NKAIN3: variants seen among roughly 807,000 people sequenced by gnomAD.
NKAIN3 encodes the protein sodium/potassium-transporting ATPase subunit beta-1-interacting protein 3.
Under a neutral mutation model 30.2 loss-of-function variants are expected in NKAIN3, and 25 were observed. That is an observed-to-expected ratio of 0.83 (90% CI 0.60 to 1.16). The LOEUF (loss-of-function observed/expected upper bound fraction) is 1.16. Ranked by LOEUF, NKAIN3 falls within the 50% of genes most tolerant of loss-of-function variation. The pLI is 0.00. For synonymous variants in NKAIN3, 91 were observed against 89.6 expected, an observed-to-expected ratio of 1.02 and a Z score of -0.09; for missense variants, 225 against 254.1, an observed-to-expected ratio of 0.89 and a Z score of 0.78.
At chr8:62,738,541 G>A (rs1303129448) in intron 3 of NKAIN3, among the ~76,000 whole-genome samples, 1 of 150,004 alleles carries the variant, frequency 6.7e-6, no homozygotes, top group Non-Finnish European at 1.5e-5. Context: ...ATAGGTTGCA[G>A]TGAGCCCAGT....
intron 1 of NKAIN3, among the ~76,000 whole-genome samples, chr8:62,565,701 G>C (rs904690674): frequency 6.6e-6 from 1 of 152,126 alleles, no homozygotes; most frequent in African/African-American, 2.4e-5. Context: ...TACTTCACTT[G>C]TGTTGGGGTT....
chr8:62,327,957 C>G lies in NKAIN3; in HGVS notation c.54+78830C>G, dbSNP rs184490569. On this transcript the variant is annotated intron_variant, in intron 1 of 6. Transcript: ENST00000623646. The stretch of plus-strand genomic sequence containing the variant: ...TTATATCTTTTAAAATTATTTTTAG[C>G]AATGTTTTAGAGTTTTCATTGCAGA... 9.2e-3 allele frequency among the ~76,000 whole-genome samples: 1,402 copies of G among 151,996 alleles called. 14 individuals are homozygous for G. The highest frequency in any genetic ancestry group is 0.015 in the Non-Finnish European group (1,011 of 67,936).
intron 3 of NKAIN3, among the ~76,000 whole-genome samples, chr8:62,688,578 G>C (rs77454397): frequency 0.019 from 2,888 of 152,160 alleles, 86 homozygotes; most frequent in African/African-American, 0.064. Context: ...TTTATACCTT[G>C]GCGTAAGGAA....
intron 4 of NKAIN3, among the ~76,000 whole-genome samples, chr8:62,873,033 A>G (rs1820692389): frequency 6.6e-6 from 1 of 152,064 alleles, no homozygotes; most frequent in South Asian, 2.1e-4. Flanking sequence ...TAAATGTAAA[A>G]GACACAGACT....
chr8:62,754,362 G>GCAAA (rs1554574333), intron 4 of NKAIN3, among the ~76,000 whole-genome samples: 4 of 149,506 alleles, frequency 2.7e-5, no homozygotes, highest in Non-Finnish European at 4.5e-5. Flanking sequence ...GTTGATTAGT[G>GCAAA]CACACACACA....
chr8:62,922,436 G>T (rs921996278), intron 5 of NKAIN3, among the ~76,000 whole-genome samples: 1 of 152,204 alleles, frequency 6.6e-6, no homozygotes, highest in Non-Finnish European at 1.5e-5. Flanking sequence ...GTTAATTTAT[G>T]AATTTCCTTT....
At chr8:62,474,766 A>G (rs1806460814) in intron 1 of NKAIN3, among the ~76,000 whole-genome samples, 1 of 152,226 alleles carries the variant, frequency 6.6e-6, no homozygotes, top group Admixed American at 6.5e-5. Context: ...CAAAAATGCT[A>G]AAAAGAGTTT....
intron 1 of NKAIN3, among the ~76,000 whole-genome samples, chr8:62,302,393 G>A (rs926647157): frequency 6.6e-6 from 1 of 152,018 alleles, no homozygotes; most frequent in African/African-American, 2.4e-5. Flanking sequence ...ACTAGACATC[G>A]TTTCTAGCTC....
chr8:62,935,163 C>A (rs1196045315), intron 5 of NKAIN3, among the ~76,000 whole-genome samples: 1 of 152,072 alleles, frequency 6.6e-6, no homozygotes, highest in Non-Finnish European at 1.5e-5. Flanking sequence ...ATGAAGAAAT[C>A]CAACCAAACA....
intron 1 of NKAIN3, among the ~76,000 whole-genome samples, chr8:62,337,048 C>T (rs1029614474): frequency 6.6e-6 from 1 of 152,050 alleles, no homozygotes; most frequent in Non-Finnish European, 1.5e-5. Flanking sequence ...TCTCTCCCTC[C>T]CTCGGTAGTT....
intron 4 of NKAIN3, among the ~76,000 whole-genome samples, chr8:62,784,619 C>T (rs1391644712): frequency 6.6e-6 from 1 of 151,862 alleles, no homozygotes; most frequent in African/African-American, 2.4e-5. Flanking sequence ...AAATTAGTAA[C>T]TAAAAATCAC....
In NKAIN3 at chr8:62,976,730, G is replaced by A. The variant is rs1267754152; in HGVS notation, c.*11323G>A. On this transcript the variant is annotated 3_prime_UTR_variant, in exon 7 of 7. Transcript: ENST00000623646. Reference sequence around the variant, plus strand: ...GTGAATTTGATTCTGTCATTATGATGATAGCTGGTTATTTTGCCCATTAGT... The same window carrying A: ...GTGAATTTGATTCTGTCATTATGATAATAGCTGGTTATTTTGCCCATTAGT... Among the ~76,000 whole-genome samples the A allele has an allele frequency of 6.6e-6, 1 of 152,164 alleles. No individual in the cohort carries two copies. The highest frequency in any genetic ancestry group is 1.9e-4 in the East Asian group (1 of 5,194).
intron 3 of NKAIN3, among the ~76,000 whole-genome samples, chr8:62,602,836 A>G (rs1274808754): frequency 6.6e-6 from 1 of 152,088 alleles, no homozygotes; most frequent in East Asian, 1.9e-4. Context: ...CAATAAGTCA[A>G]TATTTATTTT....
At chr8:62,457,715 T>A (rs1805862127) in intron 1 of NKAIN3, among the ~76,000 whole-genome samples, 2 of 152,222 alleles carry the variant, frequency 1.3e-5, no homozygotes, top group African/African-American at 4.8e-5. Context: ...TACCATTGAT[T>A]TAAATTTACA....
intron 1 of NKAIN3, among the ~76,000 whole-genome samples, chr8:62,364,237 TA>T (rs1804751804): frequency 6.6e-6 from 1 of 152,250 alleles, no homozygotes; most frequent in African/African-American, 2.4e-5. Context: ...ATGTGTATAT[TA>T]ATTGGCTCAA....
At chr8:62,498,160 G>A (rs891501206) in intron 1 of NKAIN3, among the ~76,000 whole-genome samples, 2 of 152,046 alleles carry the variant, frequency 1.3e-5, no homozygotes, top group Admixed American at 6.6e-5. Flanking sequence ...ATAATGTATC[G>A]TAAAATGAGA....
chr8:62,253,822 G>T (rs1275694855), intron 1 of NKAIN3, among the ~76,000 whole-genome samples: 3 of 152,184 alleles, frequency 2.0e-5, no homozygotes, highest in African/African-American at 7.2e-5. Flanking sequence ...CAGCTCACCT[G>T]TCGTAGATAT....
chr8:62,589,578 C>A, intron 2 of NKAIN3, 136 bp from the exon 3 acceptor site: 2 of 483,170 alleles, frequency 4.1e-6, no homozygotes. Context: ...ACATAGAGAG[C>A]ACTCTTTTCT....
At chr8:62,644,979 G>A (rs1306625975) in intron 3 of NKAIN3, among the ~76,000 whole-genome samples, 1 of 152,034 alleles carries the variant, frequency 6.6e-6, no homozygotes, top group African/African-American at 2.4e-5. Context: ...ATAGATTAAA[G>A]GAACACCCAG....
Sources: allele counts gnomAD v4.1 joint callset (sites outside exome capture counted in the v4.1 genomes callset), GRCh38; gene constraint gnomAD v4.1.1; transcripts MANE v1.5; gene names NCBI Gene and HGNC (gene_info 2026-07-23, HGNC 2026-07-21).